The following SAMD5 variants were observed in gnomAD, a reference collection of about 807,000 sequenced individuals.
SAMD5 encodes sterile alpha motif domain-containing protein 5.
A neutral mutation model predicts 11.3 loss-of-function variants in SAMD5; 13 were observed. That is an observed-to-expected ratio of 1.15 (90% CI 0.75 to 1.83). The LOEUF (loss-of-function observed/expected upper bound fraction) is 1.83, where lower values mean the gene tolerates loss of function less well. Ranked by LOEUF, SAMD5 falls within the 40% of genes most tolerant of loss-of-function variation. SAMD5 has a pLI of 0.00. For missense variants in SAMD5, 255 were observed against 239.1 expected, an observed-to-expected ratio of 1.07 and a Z score of -0.44; for synonymous variants, 129 against 111.3, an observed-to-expected ratio of 1.16 and a Z score of -1.00.
At chr6:147,657,724 G>T (rs921976229) in intron 1 of SAMD5, among the ~76,000 whole-genome samples, 2 of 152,256 alleles carry the variant, frequency 1.3e-5, no homozygotes, top group Admixed American at 1.3e-4. Flanking sequence ...GTGCCTTCTC[G>T]CTCCGCCCTC....
chr6:147,767,549 G>C, the SAMD5 span, among the ~76,000 whole-genome samples: 4 of 149,868 alleles, frequency 2.7e-5, no homozygotes, highest in Non-Finnish European at 5.9e-5. Context: ...GGTTAGATGA[G>C]TTTGTCGGGG....
At chr6:147,760,704 T>C in the SAMD5 span, among the ~76,000 whole-genome samples, 1 of 152,210 alleles carries the variant, frequency 6.6e-6, no homozygotes. Context: ...AATAAGACAG[T>C]GTAGGCAACC....
At chr6:147,768,648 T>G in the SAMD5 span, among the ~76,000 whole-genome samples, 3 of 152,224 alleles carry the variant, frequency 2.0e-5, no homozygotes, top group Non-Finnish European at 2.9e-5. Flanking sequence ...CTATTTTATT[T>G]TATTTTTAAT....
chr6:147,644,797 C>T lies in SAMD5; in HGVS notation c.163-92520C>T, dbSNP rs534085318. On this transcript the variant is annotated intron_variant, in intron 1 of 1. Transcript: ENST00000566741. ...GACAACTTGCAGTATATGTGTATTA[C>T]ACATTTTAACCTAGTAATTCTCCAA... is the stretch of plus-strand genomic sequence containing the variant. Among the ~76,000 whole-genome samples, 64 of 152,254 alleles carry T rather than the reference C, an allele frequency of 4.2e-4. 1 individual carries two copies. Among genetic ancestry groups the T allele is most frequent in the African/African-American group, 1.5e-3 (61 of 41,548 alleles).
chr6:147,799,926 C>T, the SAMD5 span, among the ~76,000 whole-genome samples: 2 of 152,090 alleles, frequency 1.3e-5, no homozygotes, highest in African/African-American at 4.8e-5. Flanking sequence ...CCATCAGCTC[C>T]TTTAAGCACT....
At chr6:147,714,130 C>T (rs1342699596) in intron 1 of SAMD5, among the ~76,000 whole-genome samples, 1 of 152,088 alleles carries the variant, frequency 6.6e-6, no homozygotes, top group Admixed American at 6.6e-5. Context: ...AGTTCAGTGA[C>T]GATACTAAAT....
At chr6:147,761,428 A>G in the SAMD5 span, among the ~76,000 whole-genome samples, 2 of 152,298 alleles carry the variant, frequency 1.3e-5, no homozygotes, top group African/African-American at 4.8e-5. Context: ...AGACTAAGGT[A>G]TATAAAACAA....
intron 1 of SAMD5, among the ~76,000 whole-genome samples, chr6:147,628,690 C>T (rs570327909): frequency 1.2e-4 from 18 of 152,086 alleles, no homozygotes; most frequent in African/African-American, 3.9e-4. Context: ...AAATATGATA[C>T]CCATCCTCCC....
chr6:147,666,892 C>CCT (rs1288471529), intron 1 of SAMD5, among the ~76,000 whole-genome samples: 102 of 152,166 alleles, frequency 6.7e-4, no homozygotes, highest in Admixed American at 7.8e-4. Flanking sequence ...TCCCCTGGCC[C>CCT]TTTCCCTATC....
At chr6:147,937,290 A>C in the SAMD5 span, among the ~76,000 whole-genome samples, 1 of 152,210 alleles carries the variant, frequency 6.6e-6, no homozygotes, top group Non-Finnish European at 1.5e-5. Context: ...ACTAAGAGAT[A>C]TAGTCCAGGA....
chr6:147,773,525 G>C, the SAMD5 span, among the ~76,000 whole-genome samples: 3 of 152,190 alleles, frequency 2.0e-5, no homozygotes, highest in Admixed American at 2.0e-4. Flanking sequence ...GAAAATCCAA[G>C]CTCAAGGTGC....
At chr6:147,743,284 G>C in the SAMD5 span, 1 of 152,220 alleles carries the variant, frequency 6.6e-6, no homozygotes, top group Admixed American at 6.5e-5. Context: ...GAGGCAGCCG[G>C]ATTACAAGGT....
chr6:147,611,224 C>A (rs565438893), intron 1 of SAMD5, among the ~76,000 whole-genome samples: 1 of 152,230 alleles, frequency 6.6e-6, no homozygotes, highest in South Asian at 2.1e-4. Context: ...GAACTACATA[C>A]AAACCCTTAG....
chr6:147,809,150 A>G, the SAMD5 span, among the ~76,000 whole-genome samples: 1 of 152,110 alleles, frequency 6.6e-6, no homozygotes, highest in Non-Finnish European at 1.5e-5. Context: ...GCCATTTGTC[A>G]AAAGGAGGCT....
intron 1 of SAMD5, among the ~76,000 whole-genome samples, chr6:147,608,615 G>C (rs1415193334): frequency 6.6e-6 from 1 of 152,140 alleles, no homozygotes; most frequent in Non-Finnish European, 1.5e-5. Flanking sequence ...TGGTTATAGA[G>C]AATAGAAGGA....
At chr6:147,626,206 AT>A (rs1172765374) in intron 1 of SAMD5, among the ~76,000 whole-genome samples, 1 of 152,066 alleles carries the variant, frequency 6.6e-6, no homozygotes, top group African/African-American at 2.4e-5. Context: ...TGGCCCTTAC[AT>A]TCCTGAACCA....
intron 1 of SAMD5, among the ~76,000 whole-genome samples, chr6:147,718,771 G>T (rs1791503539): frequency 6.6e-6 from 1 of 151,888 alleles, no homozygotes; most frequent in Admixed American, 6.6e-5. Flanking sequence ...GCTCACTGCA[G>T]CCTCCCCCTC....
the SAMD5 span, among the ~76,000 whole-genome samples, chr6:147,816,301 A>AAAAAAAAAAAATATATATATATATAT: frequency 1.5e-5 from 1 of 66,362 alleles, no homozygotes; most frequent in Non-Finnish European, 2.4e-5. Context: ...AAAAAAAAAA[A>AAAAAAAAAAAATATATATATATATAT]ATATATATAT....
At chr6:147,869,785 C>A in the SAMD5 span, among the ~76,000 whole-genome samples, 2 of 152,104 alleles carry the variant, frequency 1.3e-5, no homozygotes, top group African/African-American at 2.4e-5. Context: ...GCAGCCTTGA[C>A]TTCCCAGGCT....
Sources: allele counts gnomAD v4.1 joint callset (sites outside exome capture counted in the v4.1 genomes callset), GRCh38; gene constraint gnomAD v4.1.1; transcripts MANE v1.5; gene names NCBI Gene and HGNC (gene_info 2026-07-23, HGNC 2026-07-21).